ATP5MK: variants seen among roughly 807,000 people sequenced by gnomAD.
ATP5MK encodes ATP synthase F(0) complex subunit k, mitochondrial.
ATP5MK carries 5 observed loss-of-function variants against 6.6 expected under a neutral mutation model. That is an observed-to-expected ratio of 0.76 (90% CI 0.40 to 1.60). The LOEUF (loss-of-function observed/expected upper bound fraction) is 1.60, where lower values mean the gene tolerates loss of function less well. Ranked by LOEUF, ATP5MK falls within the 40% of genes most tolerant of loss-of-function variation. The probability of loss-of-function intolerance (pLI) is 0.02; values close to 1 mark genes in which losing one functional copy is unlikely to be tolerated. For synonymous variants in ATP5MK, 30 were observed against 24.5 expected, an observed-to-expected ratio of 1.22 and a Z score of -0.66; for missense variants, 57 against 66.6, an observed-to-expected ratio of 0.86 and a Z score of 0.50.
chr10:103,391,815 CT>C (rs1039226822), intron 4 of ATP5MK, among the ~76,000 whole-genome samples: 5 of 150,784 alleles, frequency 3.3e-5, no homozygotes, highest in Non-Finnish European at 5.9e-5. Context: ...GCCTCTTTTT[CT>C]TTTTTTTGAG....
intron 4 of ATP5MK, among the ~76,000 whole-genome samples, chr10:103,391,242 A>G (rs566673822): frequency 2.0e-5 from 3 of 152,222 alleles, no homozygotes; most frequent in Non-Finnish European, 4.4e-5. Flanking sequence ...TGGGTACCTC[A>G]TAATTGGGAA....
chr10:103,393,602 T>A (rs1011772942), intron 2 of ATP5MK, among the ~76,000 whole-genome samples: 8 of 150,822 alleles, frequency 5.3e-5, no homozygotes, highest in African/African-American at 1.7e-4. Flanking sequence ...AATAAATAAA[T>A]AAAAAATAAA....
chr10:103,394,689 T>C (rs559183889), intron 2 of ATP5MK, among the ~76,000 whole-genome samples: 7 of 152,078 alleles, frequency 4.6e-5, no homozygotes, highest in African/African-American at 1.7e-4. Context: ...AGCAACTTTA[T>C]AATGTAGCTA....
At chr10:103,390,041 T>G (rs2093409453) in intron 4 of ATP5MK, among the ~76,000 whole-genome samples, 1 of 152,112 alleles carries the variant, frequency 6.6e-6, no homozygotes. Context: ...CTCTCCATTT[T>G]TGTAATGGGG....
intron 4 of ATP5MK, among the ~76,000 whole-genome samples, chr10:103,390,332 G>C (rs2093410571): frequency 6.6e-6 from 1 of 151,794 alleles, no homozygotes; most frequent in Non-Finnish European, 1.5e-5. Context: ...TCTACCAAAA[G>C]AAAATACAAA....
chr10:103,395,323 G>A (rs1344639002), intron 2 of ATP5MK, among the ~76,000 whole-genome samples: 1 of 152,168 alleles, frequency 6.6e-6, no homozygotes, highest in Non-Finnish European at 1.5e-5. Context: ...CTTGAGACAA[G>A]GTCTCGCTCT....
rs1211733841 is a variant in ATP5MK at position 103,392,380 on chromosome 10, A to G, written c.78T>C (p.Gly26=). The G allele has an allele frequency of 6.2e-7, 1 of 1,605,602 alleles. No individual in the cohort carries two copies. Among genetic ancestry groups the G allele is most frequent in the Non-Finnish European group, 8.5e-7 (1 of 1,176,802 alleles). Residue 26 remains glycine (G), a synonymous_variant, in exon 3 of 5, where the codon GGT becomes GGC. Transcript: ENST00000369815. ...AGTTATCAATACTTACGTTCATTCT[A>G]CCTGTGAGAGTATAAGAGTTGAAAT... is the stretch of plus-strand genomic sequence containing the variant. ...KKYFNSYTLT[G]RMNCVLATYG... is the part of the protein sequence containing the mutation.
At chr10:103,389,418 G>A (rs2093407013) in intron 4 of ATP5MK, among the ~76,000 whole-genome samples, 1 of 152,158 alleles carries the variant, frequency 6.6e-6, no homozygotes, top group Non-Finnish European at 1.5e-5. Context: ...CGCGTCCCAG[G>A]TTCAAGTGAT....
In ATP5MK at chr10:103,392,269, T is replaced by C; in HGVS notation, c.102A>G (p.Thr34=). ...LTGRMNCVLA[T]YGSIALIVLY... ...AGACAATCAATGCAATGCTTCCATA[T>C]GTGGCCAGTACACACTGAGAAAGAA... is the stretch of plus-strand genomic sequence containing the variant. The change falls in exon 4 of 5, where the codon ACA becomes ACG. Residue 34 remains threonine, a synonymous_variant. Coordinates refer to ENST00000369815, the MANE Select transcript of ATP5MK (RefSeq NM_001206427.2). 1 of 1,613,386 alleles carries C rather than the reference T, an allele frequency of 6.2e-7. No individual in the cohort carries two copies. Among genetic ancestry groups the C allele is most frequent in the South Asian group, 1.1e-5 (1 of 90,784 alleles).
intron 2 of ATP5MK, chr10:103,394,339 C>A (rs772698535): frequency 1.9e-6 from 1 of 533,236 alleles, no homozygotes; most frequent in Non-Finnish European, 3.9e-6. Context: ...GCAACACAGA[C>A]GAGCCGGTCG....
At chr10:103,391,138 C>T (rs1026562544) in intron 4 of ATP5MK, among the ~76,000 whole-genome samples, 10 of 151,924 alleles carry the variant, frequency 6.6e-5, no homozygotes, top group African/African-American at 2.2e-4. Flanking sequence ...CTTCAAAAAG[C>T]AAAAAACACA....
chr10:103,396,398 T>C lies in ATP5MK; in HGVS notation c.-297+11A>G, dbSNP rs1592104672. 6.6e-6 allele frequency: 1 copy of C among 152,350 alleles called. No individual in the cohort carries two copies. The highest frequency in any genetic ancestry group is 3.4e-3 in the Middle Eastern group (1 of 294). The allele number at this position is 152,350 out of a possible 1,614,324, so 9.4% of individuals were successfully genotyped here. A position where few individuals can be genotyped will look rare whatever the true frequency, so the allele number is the denominator to read the frequency against. On this transcript the variant is annotated intron_variant, in intron 1 of 4. Coordinates refer to ENST00000369815, the MANE Select transcript of ATP5MK (RefSeq NM_001206427.2). Reference sequence around the variant, plus strand: ...CGCCAGGTCCAAGCCCGGACTCCCCTCTTCACCCACCTGCCAAAGCCGCAA... The same window carrying C: ...CGCCAGGTCCAAGCCCGGACTCCCCCCTTCACCCACCTGCCAAAGCCGCAA...
chr10:103,392,544 G>C (rs2093417844), intron 2 of ATP5MK, 78 bp from the exon 3 acceptor site: 1 of 1,123,262 alleles, frequency 8.9e-7, no homozygotes, highest in Non-Finnish European at 1.3e-6. Flanking sequence ...TCTTGTTTTA[G>C]TCTAAAAACT....
intron 4 of ATP5MK, among the ~76,000 whole-genome samples, chr10:103,390,079 G>A (rs1472170302): frequency 2.0e-5 from 3 of 152,154 alleles, no homozygotes; most frequent in Non-Finnish European, 4.4e-5. Context: ...AAGTTAGGAG[G>A]TAATTAATAT....
chr10:103,391,278 C>T (rs943620063), intron 4 of ATP5MK, among the ~76,000 whole-genome samples: 4 of 152,166 alleles, frequency 2.6e-5, no homozygotes, highest in Non-Finnish European at 5.9e-5. Context: ...GATGACAATC[C>T]TAGATATAGA....
At chr10:103,389,604 T>C (rs2133642732) in intron 4 of ATP5MK, among the ~76,000 whole-genome samples, 1 of 152,148 alleles carries the variant, frequency 6.6e-6, no homozygotes, top group East Asian at 1.9e-4. Flanking sequence ...ATTACAGGTG[T>C]AAGCCACTGT....
intron 4 of ATP5MK, among the ~76,000 whole-genome samples, chr10:103,390,448 C>T (rs981381689): frequency 2.6e-5 from 4 of 151,522 alleles, no homozygotes; most frequent in Admixed American, 6.6e-5. Flanking sequence ...GATCTGAGAT[C>T]GCACCACTTC....
chr10:103,392,390 G>A lies in ATP5MK; in HGVS notation c.68C>T (p.Thr23Ile). 6.2e-7 allele frequency: 1 copy of A among 1,606,886 alleles called. No individual in the cohort carries two copies. The highest frequency in any genetic ancestry group is 8.5e-7 in the Non-Finnish European group (1 of 1,177,386). The change falls in exon 3 of 5, where the codon ACT becomes ATT. Residue 23 changes from threonine (T) to isoleucine (I), a missense_variant. Coordinates refer to ENST00000369815, the MANE Select transcript of ATP5MK (RefSeq NM_001206427.2). ...TGIKKYFNSYTLTGRMNCVLA... is the reference protein window; with the variant it reads ...TGIKKYFNSYILTGRMNCVLA... ...ACTTACGTTCATTCTACCTGTGAGAGTATAAGAGTTGAAATATTTTTTAAT... is the reference window on the plus strand; with the variant it reads ...ACTTACGTTCATTCTACCTGTGAGAATATAAGAGTTGAAATATTTTTTAAT...
intron 4 of ATP5MK, among the ~76,000 whole-genome samples, chr10:103,390,301 G>A (rs998476854): frequency 6.6e-6 from 1 of 151,948 alleles, no homozygotes; most frequent in African/African-American, 2.4e-5. Flanking sequence ...AGAGCAGCCT[G>A]GGCAACATCA....
Sources: allele counts gnomAD v4.1 joint callset (sites outside exome capture counted in the v4.1 genomes callset), GRCh38; gene constraint gnomAD v4.1.1; transcripts MANE v1.5; gene names NCBI Gene and HGNC (gene_info 2026-07-23, HGNC 2026-07-21).